Variants in MCTP1 observed in about 807,000 individuals in gnomAD.
MCTP1 encodes the protein multiple C2 and transmembrane domain-containing protein 1.
In MCTP1, 69 loss-of-function variants were observed where a neutral mutation model predicts 120.6. The observed-to-expected ratio is 0.57, with a 90% CI of 0.47 to 0.70. The LOEUF is 0.70. Among genes scored for constraint, MCTP1 ranks in the 30% least tolerant of loss-of-function variants. The pLI is 0.00. For synonymous variants in MCTP1, 529 were observed against 493.1 expected, an observed-to-expected ratio of 1.07 and a Z score of -0.96; for missense variants, 1,203 against 1,248.8, an observed-to-expected ratio of 0.96 and a Z score of 0.55.
intron 1 of MCTP1, among the ~76,000 whole-genome samples, chr5:95,028,147 T>C (rs910982520): frequency 1.1e-4 from 17 of 152,168 alleles, no homozygotes; most frequent in African/African-American, 3.9e-4. Flanking sequence ...ATGGTTAGGA[T>C]GGCCATGTAA....
At chr5:95,264,088 G>A (rs1758692337) in intron 1 of MCTP1, among the ~76,000 whole-genome samples, 1 of 152,206 alleles carries the variant, frequency 6.6e-6, no homozygotes, top group Non-Finnish European at 1.5e-5. Context: ...GAAGCTGCTT[G>A]CAAGTGGAGT....
At chr5:94,904,903 G>C (rs764777011) in intron 10 of MCTP1, among the ~76,000 whole-genome samples, 2 of 152,154 alleles carry the variant, frequency 1.3e-5, no homozygotes, top group Non-Finnish European at 2.9e-5. Flanking sequence ...AAAAATCCCT[G>C]CCCTCGTGGA....
chr5:94,937,712 T>G (rs1449472771), intron 5 of MCTP1, among the ~76,000 whole-genome samples: 2 of 152,076 alleles, frequency 1.3e-5, no homozygotes, highest in Non-Finnish European at 2.9e-5. Flanking sequence ...CTCAGCAGCT[T>G]CATCGTAAGG....
chr5:94,949,199 T>G (rs1355234066), intron 3 of MCTP1, among the ~76,000 whole-genome samples: 1 of 152,220 alleles, frequency 6.6e-6, no homozygotes, highest in Admixed American at 6.5e-5. Flanking sequence ...TCTTCTACTG[T>G]AATTCTGGCA....
intron 17 of MCTP1, among the ~76,000 whole-genome samples, chr5:94,805,182 C>T (rs1185010009): frequency 6.6e-6 from 1 of 152,150 alleles, no homozygotes; most frequent in Non-Finnish European, 1.5e-5. Flanking sequence ...AATCTTTTAT[C>T]TAAATCAGTA....
At chr5:94,860,242 ATATGTT>A (rs1263524207) in intron 17 of MCTP1, among the ~76,000 whole-genome samples, 2 of 151,724 alleles carry the variant, frequency 1.3e-5, no homozygotes, top group Non-Finnish European at 2.9e-5. Context: ...CTAAGGAAAT[ATATGTT>A]TATATCTCTG....
intron 2 of MCTP1, among the ~76,000 whole-genome samples, chr5:94,999,140 AG>A (rs1833166925): frequency 6.6e-6 from 1 of 152,244 alleles, no homozygotes; most frequent in Admixed American, 6.5e-5. Context: ...TTCAGACAAT[AG>A]GTAACTAAAT....
intron 6 of MCTP1, among the ~76,000 whole-genome samples, chr5:94,930,327 G>A (rs1016221211): frequency 7.7e-6 from 1 of 129,120 alleles, no homozygotes; most frequent in Non-Finnish European, 1.6e-5. Context: ...AGACTGGAGT[G>A]AAATGGCATG....
In MCTP1 at chr5:94,799,130, G is replaced by T. The variant is rs1361567065; in HGVS notation, c.2439C>A (p.Leu813=). The change falls in exon 18 of 23, where the codon CTC becomes CTA. Residue 813 remains leucine (L), a splice_region_variant and synonymous_variant. Transcript: ENST00000515393. ...CAAAGTTCCAGACAACAAAGAGAAA[G>T]AGCTGGAGGAGATAGAAGAGAGAAG... ...SPPRSLAAFV[L]FLFVVWNFEL... is the part of the protein sequence containing the mutation. The T allele has an allele frequency of 1.2e-6, 2 of 1,610,752 alleles. No individual in the cohort carries two copies. The highest frequency in any genetic ancestry group is 1.3e-5 in the African/African-American group (1 of 74,762).
chr5:95,006,286 T>C (rs891725692), intron 2 of MCTP1, among the ~76,000 whole-genome samples: 6 of 151,616 alleles, frequency 4.0e-5, no homozygotes, highest in African/African-American at 1.2e-4. Flanking sequence ...TATACATATA[T>C]ATGTATGTGT....
intron 1 of MCTP1, among the ~76,000 whole-genome samples, chr5:95,190,979 A>C (rs1416829594): frequency 6.6e-6 from 1 of 152,030 alleles, no homozygotes; most frequent in Non-Finnish European, 1.5e-5. Flanking sequence ...CCAGTCAGTC[A>C]AACACAAAGA....
At chr5:94,785,336 T>G (rs1777445695) in intron 18 of MCTP1, among the ~76,000 whole-genome samples, 1 of 152,132 alleles carries the variant, frequency 6.6e-6, no homozygotes, top group African/African-American at 2.4e-5. Flanking sequence ...ATGTATTGGG[T>G]TTTTCACTTG....
At chr5:95,189,509 A>G (rs960776719) in intron 1 of MCTP1, among the ~76,000 whole-genome samples, 7 of 152,162 alleles carry the variant, frequency 4.6e-5, no homozygotes, top group Non-Finnish European at 7.4e-5. Context: ...AGAGGAGTCT[A>G]GGATATTGAA....
chr5:95,064,056 C>T (rs1208700776), intron 1 of MCTP1, among the ~76,000 whole-genome samples: 9 of 152,172 alleles, frequency 5.9e-5, no homozygotes, highest in Non-Finnish European at 1.0e-4. Context: ...ACTAAATGCA[C>T]GAATAGTTCA....
At chr5:94,879,426 C>T (rs1799596427) in intron 12 of MCTP1, among the ~76,000 whole-genome samples, 1 of 151,996 alleles carries the variant, frequency 6.6e-6, no homozygotes, top group Non-Finnish European at 1.5e-5. Flanking sequence ...ACTAAAATTC[C>T]CTCAAAAATC....
chr5:95,171,391 G>C (rs1290578821), intron 1 of MCTP1, among the ~76,000 whole-genome samples: 1 of 152,060 alleles, frequency 6.6e-6, no homozygotes, highest in Admixed American at 6.5e-5. Context: ...TATGTGTCTT[G>C]GAGTTGCCCT....
At chr5:94,868,139 G>T in intron 17 of MCTP1, 194 bp downstream of exon 17, 1 of 407,442 alleles carries the variant, frequency 2.5e-6, no homozygotes, top group Non-Finnish European at 4.1e-6. Flanking sequence ...TCTGAGGGGG[G>T]AAAATGTATT....
At chr5:95,215,851 A>C (rs1028780766) in intron 1 of MCTP1, among the ~76,000 whole-genome samples, 2 of 152,168 alleles carry the variant, frequency 1.3e-5, no homozygotes, top group Non-Finnish European at 1.5e-5. Context: ...AGTTTGTGGG[A>C]GGGAGTTCTA....
intron 17 of MCTP1, chr5:94,867,278 C>A: frequency 6.5e-7 from 1 of 1,529,012 alleles, no homozygotes; most frequent in Non-Finnish European, 8.7e-7. Context: ...AACAACACGT[C>A]TATGGGAAGC....
Sources: allele counts gnomAD v4.1 joint callset (sites outside exome capture counted in the v4.1 genomes callset), GRCh38; gene constraint gnomAD v4.1.1; transcripts MANE v1.5; gene names NCBI Gene and HGNC (gene_info 2026-07-23, HGNC 2026-07-21).